ATP2B2: variants seen among roughly 807,000 people sequenced by gnomAD.
The protein encoded by ATP2B2 is ATPase plasma membrane Ca2+ transporting 2, also known as plasma membrane calcium-transporting ATPase 2.
In ATP2B2, 15 loss-of-function variants were observed where a neutral mutation model predicts 120.0. That is an observed-to-expected ratio of 0.12 (90% CI 0.08 to 0.19). The LOEUF (loss-of-function observed/expected upper bound fraction) is 0.19, where lower values mean the gene tolerates loss of function less well. Among genes scored for constraint, ATP2B2 ranks in the 10% least tolerant of loss-of-function variants. The pLI, the probability that ATP2B2 is intolerant of heterozygous loss-of-function variation, is 1.00. For synonymous variants in ATP2B2, 694 were observed against 700.3 expected, an observed-to-expected ratio of 0.99 and a Z score of 0.14; for missense variants, 1,045 against 1,719.8, an observed-to-expected ratio of 0.61 and a Z score of 6.94.
chr3:10,549,662 C>T (rs1020273245), intron 2 of ATP2B2, among the ~76,000 whole-genome samples: 1 of 152,020 alleles, frequency 6.6e-6, no homozygotes, highest in African/African-American at 2.4e-5. Flanking sequence ...TCCTTCCCTA[C>T]CTCCCTCTCT....
chr3:10,675,352 T>A (rs964269692), intron 1 of ATP2B2, among the ~76,000 whole-genome samples: 16 of 152,360 alleles, frequency 1.1e-4, no homozygotes, highest in African/African-American at 3.8e-4. Context: ...CCACGTTCCC[T>A]TGTGGGTTTG....
At chr3:10,671,872 G>T (rs1380418597) in intron 1 of ATP2B2, among the ~76,000 whole-genome samples, 1 of 152,188 alleles carries the variant, frequency 6.6e-6, no homozygotes, top group Non-Finnish European at 1.5e-5. Context: ...TACCCCGTAG[G>T]AAAGCACATC....
At chr3:10,489,326 T>C (rs2065848127) in intron 1 of ATP2B2, among the ~76,000 whole-genome samples, 1 of 152,236 alleles carries the variant, frequency 6.6e-6, no homozygotes, top group Non-Finnish European at 1.5e-5. Flanking sequence ...TGAACAGATC[T>C]GTTGTGTTCA....
At chr3:10,542,073 A>T (rs1408739303) in intron 2 of ATP2B2, among the ~76,000 whole-genome samples, 1 of 151,874 alleles carries the variant, frequency 6.6e-6, no homozygotes, top group Non-Finnish European at 1.5e-5. Flanking sequence ...AGCCACTCCC[A>T]CTTTCTTTTG....
At chr3:10,496,431 A>C (rs1488762393) in intron 1 of ATP2B2, among the ~76,000 whole-genome samples, 1 of 152,170 alleles carries the variant, frequency 6.6e-6, no homozygotes, top group African/African-American at 2.4e-5. Context: ...GCCAATAACT[A>C]TCTGATATGG....
chr3:10,591,723 G>C (rs1229884843), intron 2 of ATP2B2, among the ~76,000 whole-genome samples: 1 of 152,190 alleles, frequency 6.6e-6, no homozygotes, highest in Non-Finnish European at 1.5e-5. Flanking sequence ...CAGCCTCGAT[G>C]GTTCAAGTTT....
rs1225775847 is a variant in ATP2B2, at chr3:10,328,375, C to T, written c.*439G>A. 12 of 178,186 alleles carry T rather than the reference C, an allele frequency of 6.7e-5. No individual in the cohort carries two copies. Among genetic ancestry groups the T allele is most frequent in the Non-Finnish European group, 2.4e-5 (2 of 82,920 alleles). 11.0% of individuals were successfully genotyped at this position (178,186 alleles called of 1,614,324 possible). On this transcript the variant is annotated 3_prime_UTR_variant, in exon 23 of 23. Transcript: ENST00000360273. ...GACCAGTGGATTGGATAAATAGTCT[C>T]AGAAAAGAGTCTGTTTGCAGTTCCC... is the stretch of plus-strand genomic sequence containing the variant.
intron 1 of ATP2B2, among the ~76,000 whole-genome samples, chr3:10,488,467 C>A (rs79838629): frequency 0.018 from 917 of 52,212 alleles, 12 homozygotes; most frequent in African/African-American, 0.091. Context: ...CTACAAATTC[C>A]TTCCTTCCTT....
At chr3:10,407,504 G>C (rs2062456375) in intron 3 of ATP2B2, among the ~76,000 whole-genome samples, 1 of 152,136 alleles carries the variant, frequency 6.6e-6, no homozygotes, top group South Asian at 2.1e-4. Flanking sequence ...AGTCTGTTCT[G>C]TGCACAGGGC....
chr3:10,452,542 T>C (rs971360530), intron 1 of ATP2B2, among the ~76,000 whole-genome samples: 10 of 152,042 alleles, frequency 6.6e-5, no homozygotes, highest in African/African-American at 2.2e-4. Context: ...GGAAGCTGGG[T>C]AGAGAAAATC....
chr3:10,567,784 T>C (rs1278232827), intron 2 of ATP2B2, among the ~76,000 whole-genome samples: 1 of 152,182 alleles, frequency 6.6e-6, no homozygotes, highest in African/African-American at 2.4e-5. Context: ...AATACCAGCC[T>C]GGGAGCTTCT....
intron 1 of ATP2B2, among the ~76,000 whole-genome samples, chr3:10,683,760 G>GTATATGTATA (rs2071444412): frequency 1.9e-5 from 1 of 53,888 alleles, no homozygotes; most frequent in Non-Finnish European, 3.8e-5. Context: ...GTGTGTGTGT[G>GTATATGTATA]TATATATATA....
rs2059824335 is a variant in ATP2B2 at position 10,324,101 on chromosome 3, G to A, written c.*4713C>T. 1 of 152,130 alleles carries A rather than the reference G, an allele frequency of 6.6e-6. No homozygotes were observed. Among genetic ancestry groups the A allele is most frequent in the Admixed American group, 6.5e-5 (1 of 15,284 alleles). The allele number at this position is 152,130 out of a possible 1,614,324, so 9.4% of individuals were successfully genotyped here. A position where few individuals can be genotyped will look rare whatever the true frequency, so the allele number is the denominator to read the frequency against. On this transcript the variant is annotated 3_prime_UTR_variant, in exon 23 of 23. Coordinates refer to ENST00000360273, the MANE Select transcript of ATP2B2 (RefSeq NM_001001331.4). ...AGACAAATCCCATTAATTACAAAGA[G>A]CACAAGCCAAAGATACAGAGAAATA...
chr3:10,639,056 T>C (rs1331151212), intron 1 of ATP2B2, among the ~76,000 whole-genome samples: 5 of 152,178 alleles, frequency 3.3e-5, no homozygotes, highest in African/African-American at 4.8e-5. Context: ...GGGACAGAAC[T>C]ATTGGGGTAA....
At chr3:10,457,658 G>C (rs1414729240) in intron 1 of ATP2B2, among the ~76,000 whole-genome samples, 2 of 152,104 alleles carry the variant, frequency 1.3e-5, no homozygotes, top group Non-Finnish European at 2.9e-5. Flanking sequence ...CTGTGTATGT[G>C]CTCAAAGCTG....
chr3:10,446,451 TTTG>T lies in ATP2B2; in HGVS notation c.199+2891_199+2893del, dbSNP rs538323102. ...CAGGGACTGTTCTAAGCTACTTCATTTTGTCCTCCCCCAGCCCTGTGAGGTAGT... is the reference window on the plus strand; with the variant it reads ...CAGGGACTGTTCTAAGCTACTTCATTTCCTCCCCCAGCCCTGTGAGGTAGT... On this transcript the variant is annotated intron_variant, in intron 2 of 22. Coordinates refer to ENST00000360273, the MANE Select transcript of ATP2B2 (RefSeq NM_001001331.4). Among the ~76,000 whole-genome samples the T allele has an allele frequency of 1.4e-4, 21 of 152,252 alleles. No individual in the cohort carries two copies. In the East Asian group the frequency reaches 4.1e-3, roughly 29 times the overall value.
At chr3:10,330,333 A>AG (rs1191541290) in intron 22 of ATP2B2, 3 of 153,866 alleles carry the variant, frequency 1.9e-5, no homozygotes, top group Non-Finnish European at 2.9e-5. Flanking sequence ...ACTGTGGACA[A>AG]GCCACACTAG....
chr3:10,588,552 C>G (rs1478099834), intron 2 of ATP2B2, among the ~76,000 whole-genome samples: 1 of 152,190 alleles, frequency 6.6e-6, no homozygotes, highest in Non-Finnish European at 1.5e-5. Flanking sequence ...AGCACATCAC[C>G]TCCTCTGCCT....
intron 2 of ATP2B2, among the ~76,000 whole-genome samples, chr3:10,611,785 G>A (rs1386620938): frequency 6.6e-6 from 1 of 152,238 alleles, no homozygotes; most frequent in Non-Finnish European, 1.5e-5. Flanking sequence ...AGAGTGTAAC[G>A]TTGGACCAGT....
Sources: gnomAD v4.1 joint callset for allele counts (sites outside exome capture counted in the v4.1 genomes callset) on GRCh38, gnomAD v4.1.1 for gene constraint, MANE v1.5 for transcripts, NCBI Gene and HGNC (gene_info 2026-07-23, HGNC 2026-07-21) for gene names.